PABIR3: variants seen among roughly 807,000 people sequenced by gnomAD.
PABIR3 encodes the protein PABIR family member 1.
In PABIR3, 20 loss-of-function variants were observed where a neutral mutation model predicts 23.1. The ratio of observed to expected loss-of-function variants is 0.86; its 90% CI spans 0.61 to 1.26. The LOEUF is 1.26. Ranked by LOEUF, PABIR3 falls within the 50% of genes most tolerant of loss-of-function variation. The pLI, the probability that PABIR3 is intolerant of heterozygous loss-of-function variation, is 0.00. For missense variants in PABIR3, 189 were observed against 195.4 expected, an observed-to-expected ratio of 0.97 and a Z score of 0.20; for synonymous variants, 69 against 68.5, an observed-to-expected ratio of 1.01 and a Z score of -0.04.
intron 5 of PABIR3, 41 bp downstream of exon 5, chrX:134,845,289 T>A (rs1469434658): frequency 8.5e-7 from 1 of 1,172,172 alleles, no homozygotes; most frequent in South Asian, 1.8e-5. Context: ...ATAATTTGTA[T>A]ACTTAATTAT....
At chrX:134,833,806 T>G (rs2081889649) in intron 4 of PABIR3, among the ~76,000 whole-genome samples, 1 of 111,650 alleles carries the variant, frequency 9.0e-6, no homozygotes, top group Non-Finnish European at 1.9e-5. Flanking sequence ...CTGAGGATGA[T>G]GGCTTCCAGC....
chrX:134,849,299 A>G (rs2082542394), intron 9 of PABIR3, 71 bp downstream of exon 9: 1 of 473,022 alleles, frequency 2.1e-6, no homozygotes, highest in South Asian at 1.0e-4. Context: ...ATCAAATGTT[A>G]TACAAAAATG....
At chrX:134,856,188 ATTTTT>A (rs150416913), downstream of PABIR3, among the ~76,000 whole-genome samples, 1 of 95,307 alleles carries the variant, frequency 1.0e-5, no homozygotes. Context: ...CTATTCAGTT[ATTTTT>A]TTTTTTTTTT....
intron 1 of PABIR3, chrX:134,796,872 C>T (rs2079873796): frequency 8.9e-6 from 1 of 112,126 alleles, no homozygotes; most frequent in Non-Finnish European, 1.9e-5. Flanking sequence ...CGGGTAGGAC[C>T]CGGCCGGGCG....
chrX:134,854,918 G>A (rs918867271), downstream of PABIR3: 26 of 111,941 alleles, frequency 2.3e-4, no homozygotes, highest in African/African-American at 8.1e-4. Flanking sequence ...GTGGGAAAAT[G>A]TTGATAAGTT....
At chrX:134,814,588 C>T (rs993583355) in intron 2 of PABIR3, among the ~76,000 whole-genome samples, 183 bp from the exon 3 acceptor site, 2 of 109,535 alleles carry the variant, frequency 1.8e-5, no homozygotes, top group Non-Finnish European at 3.8e-5. Flanking sequence ...ATCCCAGCTA[C>T]TAGGGGAGGC....
intron 2 of PABIR3, chrX:134,809,639 G>A: frequency 2.7e-6 from 2 of 741,805 alleles, no homozygotes; most frequent in South Asian, 1.4e-4. Context: ...GTAATTCACA[G>A]TACCATAGAC....
intron 6 of PABIR3, 98 bp downstream of exon 6, chrX:134,845,499 G>A (rs1445668120): frequency 1.4e-6 from 1 of 731,277 alleles, no homozygotes; most frequent in Non-Finnish European, 2.0e-6. Context: ...AGAAATCTAA[G>A]CTCTATTTTG....
At chrX:134,824,593 A>T (rs1183973294) in intron 3 of PABIR3, among the ~76,000 whole-genome samples, 1 of 112,028 alleles carries the variant, frequency 8.9e-6, no homozygotes, top group East Asian at 2.8e-4. Flanking sequence ...TGAAGCCAGG[A>T]GTTCGAGACC....
upstream of PABIR3, among the ~76,000 whole-genome samples, chrX:134,804,522 C>A (rs1284868834): frequency 1.8e-5 from 2 of 111,674 alleles, no homozygotes; most frequent in African/African-American, 6.5e-5. Context: ...CATATTACTC[C>A]TTTTCTTAGA....
chrX:134,843,239 T>C (rs1048637947), intron 4 of PABIR3, among the ~76,000 whole-genome samples: 7 of 111,347 alleles, frequency 6.3e-5, no homozygotes, highest in Non-Finnish European at 1.3e-4. Context: ...GAAGACCAGT[T>C]TATCTGTTTT....
At chrX:134,830,325 CTTTTTTTT>C (rs766717674) in intron 4 of PABIR3, among the ~76,000 whole-genome samples, 1 of 62,549 alleles carries the variant, frequency 1.6e-5, no homozygotes, top group Admixed American at 2.1e-4. Context: ...GGTTTTTTTC[CTTTTTTTT>C]TTTTTTTTTT....
At chrX:134,814,469 G>A (rs1033158139) in intron 2 of PABIR3, among the ~76,000 whole-genome samples, 1 of 111,682 alleles carries the variant, frequency 9.0e-6, no homozygotes, top group African/African-American at 3.3e-5. Context: ...GGGCCAAGGC[G>A]GGTGGATCAC....
intron 1 of PABIR3, among the ~76,000 whole-genome samples, chrX:134,802,002 A>T (rs2080077990): frequency 9.2e-6 from 1 of 109,200 alleles, no homozygotes; most frequent in African/African-American, 3.3e-5. Context: ...GCAGACACGA[A>T]CCACACTCTC....
At chrX:134,852,926 C>T (rs757283512) in intron 10 of PABIR3, 30 bp downstream of exon 10, 86 of 991,638 alleles carry the variant, frequency 8.7e-5, no homozygotes, top group Non-Finnish European at 1.1e-4. Flanking sequence ...TTTAAACATT[C>T]ATTGATCATT....
chrX:134,849,869 C>CTT (rs374919785), intron 9 of PABIR3, among the ~76,000 whole-genome samples: 8 of 58,854 alleles, frequency 1.4e-4, no homozygotes, highest in Non-Finnish European at 1.6e-4. Flanking sequence ...GCTCTTCTTC[C>CTT]TTTTTTTTTT....
downstream of PABIR3, among the ~76,000 whole-genome samples, chrX:134,857,476 G>T (rs1159424662): frequency 1.8e-5 from 2 of 111,567 alleles, no homozygotes; most frequent in African/African-American, 6.5e-5. Flanking sequence ...TCCAGATAAG[G>T]TCAAATTCAC....
intron 1 of PABIR3, among the ~76,000 whole-genome samples, chrX:134,799,049 G>A (rs747631786): frequency 8.9e-6 from 1 of 111,896 alleles, no homozygotes; most frequent in South Asian, 3.7e-4. Context: ...CAAGAAGAGT[G>A]TATTCAGGGT....
At chrX:134,802,352 T>TG (rs1011459645), upstream of PABIR3, among the ~76,000 whole-genome samples, 74 of 112,043 alleles carry the variant, frequency 6.6e-4, 1 homozygote, top group African/African-American at 2.3e-3. Context: ...CCCAAAGTGC[T>TG]GGGATTACAG....
Sources: allele counts gnomAD v4.1 joint callset (sites outside exome capture counted in the v4.1 genomes callset), GRCh38; gene constraint gnomAD v4.1.1; transcripts MANE v1.5; gene names NCBI Gene and HGNC (gene_info 2026-07-23, HGNC 2026-07-21).